The following ERBB4 variants were observed in gnomAD, a reference collection of about 807,000 sequenced individuals.
The protein encoded by ERBB4 is erb-b2 receptor tyrosine kinase 4, also known as receptor tyrosine-protein kinase erbB-4.
A neutral mutation model predicts 158.0 loss-of-function variants in ERBB4; 42 were observed. The ratio of observed to expected loss-of-function variants is 0.27; its 90% CI spans 0.21 to 0.34. The LOEUF (loss-of-function observed/expected upper bound fraction) is 0.34. ERBB4 is among the 10% of genes least tolerant of loss of function. The pLI is 1.00. For synonymous variants in ERBB4, 583 were observed against 558.7 expected, an observed-to-expected ratio of 1.04 and a Z score of -0.61; for missense variants, 1,333 against 1,624.1, an observed-to-expected ratio of 0.82 and a Z score of 3.08.
chr2:212,178,359 G>C (rs1397509068), intron 1 of ERBB4, among the ~76,000 whole-genome samples: 9 of 151,726 alleles, frequency 5.9e-5, no homozygotes, highest in African/African-American at 1.9e-4. Flanking sequence ...GTTAGGGCAA[G>C]ATGATGATGC....
intron 4 of ERBB4, among the ~76,000 whole-genome samples, chr2:211,751,632 T>G (rs1236550482): frequency 6.6e-6 from 1 of 152,190 alleles, no homozygotes; most frequent in Non-Finnish European, 1.5e-5. Context: ...ATTCTCCCAT[T>G]TAAAGTGTTT....
At chr2:212,092,677 G>A (rs1051112420) in intron 2 of ERBB4, among the ~76,000 whole-genome samples, 1 of 152,088 alleles carries the variant, frequency 6.6e-6, no homozygotes, top group Non-Finnish European at 1.5e-5. Context: ...GGTTGAATAC[G>A]TTGTATATGT....
chr2:211,867,929 T>C (rs574689739), intron 3 of ERBB4, among the ~76,000 whole-genome samples: 1 of 152,340 alleles, frequency 6.6e-6, no homozygotes, highest in Admixed American at 6.5e-5. Flanking sequence ...TGGGAATCAC[T>C]AGCATTCTTT....
intron 1 of ERBB4, among the ~76,000 whole-genome samples, chr2:212,194,965 C>A (rs2082379675): frequency 6.6e-6 from 1 of 151,908 alleles, no homozygotes. Context: ...TTGGTATATA[C>A]TGAAGTTTTT....
At chr2:212,147,410 G>A (rs1167173773) in intron 1 of ERBB4, among the ~76,000 whole-genome samples, 1 of 151,800 alleles carries the variant, frequency 6.6e-6, no homozygotes, top group Non-Finnish European at 1.5e-5. Flanking sequence ...AGTTAGATAG[G>A]ATGATCTGTA....
intron 1 of ERBB4, among the ~76,000 whole-genome samples, chr2:212,492,589 A>C (rs1690339648): frequency 6.6e-6 from 1 of 151,500 alleles, no homozygotes; most frequent in African/African-American, 2.4e-5. Flanking sequence ...ATAAATCATA[A>C]GCAAAATAAA....
chr2:212,529,292 C>T (rs957468658), intron 1 of ERBB4, among the ~76,000 whole-genome samples: 14 of 152,176 alleles, frequency 9.2e-5, no homozygotes, highest in African/African-American at 3.4e-4. Flanking sequence ...TACTGAACTA[C>T]AAAATATTTA....
At chr2:211,422,488 CAAAAAAA>C (rs57602784) in intron 23 of ERBB4, among the ~76,000 whole-genome samples, 28 of 102,412 alleles carry the variant, frequency 2.7e-4, no homozygotes, top group African/African-American at 8.9e-4. Flanking sequence ...TCCTGGTGGA[CAAAAAAA>C]AAAAAAAAAA....
chr2:211,434,402 T>C (rs2063807790), intron 20 of ERBB4, among the ~76,000 whole-genome samples: 1 of 152,142 alleles, frequency 6.6e-6, no homozygotes, highest in African/African-American at 2.4e-5. Context: ...AAAGAGACCT[T>C]CGAGAGATCT....
At chr2:212,421,473 T>C (rs578062744) in intron 1 of ERBB4, among the ~76,000 whole-genome samples, 48 of 152,298 alleles carry the variant, frequency 3.2e-4, no homozygotes, top group African/African-American at 1.1e-3. Flanking sequence ...AGTCTTGTTT[T>C]CTATATCTAG....
At chr2:211,439,179 T>C (rs908687040) in intron 20 of ERBB4, among the ~76,000 whole-genome samples, 4 of 152,194 alleles carry the variant, frequency 2.6e-5, no homozygotes, top group African/African-American at 9.6e-5. Context: ...CTATCTATGC[T>C]GCAAAGAAAA....
In ERBB4 at chr2:212,190,353, G is replaced by A. The variant is rs550019720; in HGVS notation, c.83-65450C>T. On this transcript the variant is annotated intron_variant, in intron 1 of 27. Transcript: ENST00000342788. ...AGATCCAGACCATCCTGGCTAACAG[G>A]GTGAAACCCCGTCTCTACTGAAAAT... Among the ~76,000 whole-genome samples the A allele has an allele frequency of 8.5e-5, 13 of 152,196 alleles. No individual in the cohort carries two copies. In the South Asian group the frequency reaches 1.2e-3, roughly 15 times the overall value.
At chr2:211,396,654 T>C (rs1406488207) in intron 25 of ERBB4, among the ~76,000 whole-genome samples, 11 of 152,220 alleles carry the variant, frequency 7.2e-5, no homozygotes, top group Non-Finnish European at 1.2e-4. Flanking sequence ...GCAAATGTTA[T>C]AAACCTTATT....
intron 1 of ERBB4, among the ~76,000 whole-genome samples, chr2:212,532,854 A>G (rs1692830751): frequency 6.6e-6 from 1 of 152,246 alleles, no homozygotes; most frequent in African/African-American, 2.4e-5. Context: ...TAAAACAATT[A>G]TTACATGCTA....
intron 1 of ERBB4, among the ~76,000 whole-genome samples, chr2:212,449,493 T>G (rs1457429830): frequency 6.6e-6 from 1 of 152,148 alleles, no homozygotes; most frequent in African/African-American, 2.4e-5. Flanking sequence ...CAGGCTGTAT[T>G]TAATTACGTA....
At position 212,059,464 on chromosome 2, in the gene ERBB4, A is replaced by C. The variant is rs577293227; in HGVS notation, c.234+65288T>G. Among the ~76,000 whole-genome samples, 15 of 152,326 alleles carry C rather than the reference A, an allele frequency of 9.8e-5. No homozygotes were observed. The South Asian group carries it at 3.1e-3, about 32-fold the overall frequency. ...CTGCTTTAAAGTTCATATGGAACCA[A>C]AAAAGAGCCCACATTGCCAAGACAA... On this transcript the variant is annotated intron_variant, in intron 2 of 27. Transcript: ENST00000342788.
In ERBB4 at chr2:211,713,564, C is replaced by A; in HGVS notation, c.968G>T (p.Cys323Phe). The A allele has an allele frequency of 6.2e-7, 1 of 1,610,450 alleles. No individual in the cohort carries two copies. Among genetic ancestry groups the A allele is most frequent in the Non-Finnish European group, 8.5e-7 (1 of 1,177,356 alleles). The change falls in exon 8 of 28, where the codon TGT becomes TTT. Residue 323 changes from cysteine (C) to phenylalanine (F), a missense_variant. By Grantham distance (205) the Cys-to-Phe change is radical. Coordinates refer to ENST00000342788, the MANE Select transcript of ERBB4 (RefSeq NM_005235.3). ...TGGGCAAATGTCAGTGCAAGGTTTA[C>A]ACATTTTAATCCCATTTTCTTCTAC... is the stretch of plus-strand genomic sequence containing the variant. ...MEVEENGIKM[C>F]KPCTDICPKA...
chr2:212,522,835 C>T (rs1692248687), intron 1 of ERBB4, among the ~76,000 whole-genome samples: 1 of 151,912 alleles, frequency 6.6e-6, no homozygotes, highest in African/African-American at 2.4e-5. Context: ...AGGATTAATA[C>T]CATCTACCAC....
intron 16 of ERBB4, among the ~76,000 whole-genome samples, chr2:211,638,411 T>TTCTGACCCAGAAA (rs2070442044): frequency 6.6e-6 from 1 of 152,176 alleles, no homozygotes; most frequent in African/African-American, 2.4e-5. Flanking sequence ...GTAGTGCTTA[T>TTCTGACCCAGAAA]TCTGACCCAG....
Sources: allele counts gnomAD v4.1 joint callset (sites outside exome capture counted in the v4.1 genomes callset), GRCh38; gene constraint gnomAD v4.1.1; transcripts MANE v1.5; gene names NCBI Gene and HGNC (gene_info 2026-07-23, HGNC 2026-07-21).